WDR7: variants seen among roughly 807,000 people sequenced by gnomAD.
WDR7 encodes WD repeat-containing protein 7.
WDR7 carries 46 observed loss-of-function variants against 169.4 expected under a neutral mutation model. The ratio of observed to expected loss-of-function variants is 0.27; its 90% CI spans 0.21 to 0.35. The LOEUF is 0.35. Among genes scored for constraint, WDR7 ranks in the 10% least tolerant of loss-of-function variants. The probability of loss-of-function intolerance (pLI) is 1.00; values close to 1 mark genes in which losing one functional copy is unlikely to be tolerated. For synonymous variants in WDR7, 612 were observed against 666.8 expected, an observed-to-expected ratio of 0.92 and a Z score of 1.27; for missense variants, 1,534 against 1,859.3, an observed-to-expected ratio of 0.83 and a Z score of 3.22.
rs148739477 is a variant in WDR7 at position 56,824,073 on chromosome 18, A to C, written c.3304+7929A>C. Among the ~76,000 whole-genome samples the C allele has an allele frequency of 7.8e-3, 1,180 of 152,254 alleles. 5 individuals carry two copies. Among genetic ancestry groups the C allele is most frequent in the Non-Finnish European group, 0.013 (884 of 68,012 alleles). On this transcript the variant is annotated intron_variant, in intron 20 of 27. Transcript: ENST00000254442. ...GATATCTAGGGTTCTTCAAGGGCTG[A>C]CTTATATCTCTGATGTCATCAGCTA...
In WDR7 at chr18:57,027,402, C is replaced by A; in HGVS notation, c.*195C>A. On this transcript the variant is annotated 3_prime_UTR_variant, in exon 28 of 28. Transcript: ENST00000254442. ...CTCGTGCCATCTGTCGATTCAGAGG[C>A]ACGCACACATGCTCTGCAGGATGTG... 1.5e-6 allele frequency: 1 copy of A among 653,588 alleles called. No individual in the cohort carries two copies. Among genetic ancestry groups the A allele is most frequent in the Non-Finnish European group, 2.6e-6 (1 of 387,320 alleles). The allele number at this position is 653,588 out of a possible 1,614,324, so 40.5% of individuals were successfully genotyped here. A position where few individuals can be genotyped will look rare whatever the true frequency, so the allele number is the denominator to read the frequency against.
chr18:56,731,250 C>CA (rs749016318), intron 13 of WDR7, 133 bp from the exon 14 acceptor site: 392 of 956,866 alleles, frequency 4.1e-4, no homozygotes, highest in Non-Finnish European at 4.9e-4. Flanking sequence ...GAAGGAAGTA[C>CA]AAAAAAAAAT....
chr18:56,897,971 G>T (rs2046352212), intron 21 of WDR7, among the ~76,000 whole-genome samples: 1 of 151,942 alleles, frequency 6.6e-6, no homozygotes, highest in Non-Finnish European at 1.5e-5. Context: ...TGACACTCCA[G>T]TAGCAAAGTC....
At chr18:56,981,131 C>G (rs1599216341) in intron 26 of WDR7, among the ~76,000 whole-genome samples, 1 of 151,988 alleles carries the variant, frequency 6.6e-6, no homozygotes, top group African/African-American at 2.4e-5. Flanking sequence ...AGAAATGAAC[C>G]AATTTAAGAT....
At chr18:56,663,449 T>G (rs1211440587) in intron 1 of WDR7, among the ~76,000 whole-genome samples, 4 of 152,230 alleles carry the variant, frequency 2.6e-5, no homozygotes, top group Admixed American at 2.6e-4. Context: ...ATAATGGTAT[T>G]GTGTTTATGA....
intron 20 of WDR7, among the ~76,000 whole-genome samples, chr18:56,841,070 G>C (rs1464225588): frequency 6.6e-6 from 1 of 151,864 alleles, no homozygotes; most frequent in African/African-American, 2.4e-5. Context: ...GTGGGCACCT[G>C]TAATCCCAGC....
chr18:56,786,434 CAGG>C (rs1426253154), intron 19 of WDR7, among the ~76,000 whole-genome samples: 3 of 151,738 alleles, frequency 2.0e-5, no homozygotes, highest in Non-Finnish European at 4.4e-5. Context: ...GAGGCTTAGG[CAGG>C]AGAATTGCTT....
rs909130503 is a variant in WDR7 at position 56,668,901 on chromosome 18, T to C, written c.-19-3596T>C. On this transcript the variant is annotated intron_variant, in intron 1 of 27. Transcript: ENST00000254442. Reference sequence around the variant, plus strand: ...GTGAAGAAGTAGCAAAATCTGTGTTTTTTTTTTTTTTAAATAATATTTACT... The same window carrying C: ...GTGAAGAAGTAGCAAAATCTGTGTTCTTTTTTTTTTTAAATAATATTTACT... Among the ~76,000 whole-genome samples, 429 of 133,748 alleles carry C rather than the reference T, an allele frequency of 3.2e-3. 5 individuals are homozygous for C. The East Asian group carries it at 0.04, about 12-fold the overall frequency. The allele number at this position is 133,748 out of a possible 152,430, so 87.7% of individuals were successfully genotyped here.
intron 21 of WDR7, among the ~76,000 whole-genome samples, chr18:56,906,056 T>TA (rs1318199831): frequency 1.3e-5 from 2 of 152,088 alleles, no homozygotes; most frequent in African/African-American, 4.8e-5. Context: ...CCTAATGTAT[T>TA]AATGGACCTG....
intron 22 of WDR7, among the ~76,000 whole-genome samples, chr18:56,929,088 C>T (rs1242808958): frequency 6.6e-6 from 1 of 151,902 alleles, no homozygotes; most frequent in Non-Finnish European, 1.5e-5. Flanking sequence ...TTGAGACCAG[C>T]CTGGGCAACA....
intron 1 of WDR7, among the ~76,000 whole-genome samples, chr18:56,667,099 C>T (rs1320448737): frequency 6.6e-6 from 1 of 152,056 alleles, no homozygotes; most frequent in African/African-American, 2.4e-5. Flanking sequence ...TTCTGAGTTA[C>T]AATTTTTTAG....
intron 16 of WDR7, among the ~76,000 whole-genome samples, chr18:56,761,159 A>G (rs1424046172): frequency 6.6e-6 from 1 of 152,086 alleles, no homozygotes; most frequent in Non-Finnish European, 1.5e-5. Flanking sequence ...ATAGGTGCAC[A>G]CCACCATCCT....
intron 25 of WDR7, among the ~76,000 whole-genome samples, chr18:56,944,181 A>T (rs2047071368): frequency 6.6e-6 from 1 of 151,270 alleles, no homozygotes; most frequent in East Asian, 1.9e-4. Context: ...TTCAGTTGAG[A>T]TGGGGTTTCA....
At chr18:56,666,165 C>T (rs1188578377) in intron 1 of WDR7, among the ~76,000 whole-genome samples, 1 of 145,002 alleles carries the variant, frequency 6.9e-6, no homozygotes, top group Admixed American at 6.9e-5. Flanking sequence ...TAGCATCCAT[C>T]ATACTTAGGA....
intron 1 of WDR7, among the ~76,000 whole-genome samples, chr18:56,666,870 A>G (rs998027670): frequency 2.0e-5 from 3 of 148,496 alleles, no homozygotes; most frequent in Non-Finnish European, 4.4e-5. Flanking sequence ...TATACTCTCC[A>G]TTCTGGATTG....
intron 1 of WDR7, among the ~76,000 whole-genome samples, chr18:56,667,233 C>T (rs1032686526): frequency 2.6e-5 from 4 of 152,134 alleles, no homozygotes; most frequent in African/African-American, 7.2e-5. Flanking sequence ...TGTGGCCTTA[C>T]GTATTTCGCC....
At chr18:56,766,560 TA>T (rs554855751) in intron 16 of WDR7, among the ~76,000 whole-genome samples, 4 of 152,280 alleles carry the variant, frequency 2.6e-5, no homozygotes, top group South Asian at 4.1e-4. Context: ...AATTTATTTT[TA>T]TTTTTTTTTA....
At chr18:56,723,057 C>G (rs1181463435) in intron 13 of WDR7, among the ~76,000 whole-genome samples, 1 of 152,144 alleles carries the variant, frequency 6.6e-6, no homozygotes, top group Non-Finnish European at 1.5e-5. Flanking sequence ...GTGGTACTTT[C>G]CTACCTTCTG....
chr18:56,776,710 T>C (rs1278289420), intron 16 of WDR7, 72 bp from the exon 17 acceptor site: 11 of 1,336,484 alleles, frequency 8.2e-6, no homozygotes, highest in Non-Finnish European at 1.2e-5. Flanking sequence ...TCTTCACTAA[T>C]ACTAAGCTTT....
Sources: allele counts gnomAD v4.1 joint callset (sites outside exome capture counted in the v4.1 genomes callset), GRCh38; gene constraint gnomAD v4.1.1; transcripts MANE v1.5; gene names NCBI Gene and HGNC (gene_info 2026-07-23, HGNC 2026-07-21).